Variants in DYRK1A observed in about 807,000 individuals in gnomAD.
DYRK1A encodes dual specificity tyrosine-phosphorylation-regulated kinase 1A.
Under a neutral mutation model 79.7 loss-of-function variants are expected in DYRK1A, and 9 were observed. The ratio of observed to expected loss-of-function variants is 0.11; its 90% CI spans 0.07 to 0.20. DYRK1A has a LOEUF of 0.20. Among genes scored for constraint, DYRK1A ranks in the 10% least tolerant of loss-of-function variants. The pLI, the probability that DYRK1A is intolerant of heterozygous loss-of-function variation, is 1.00. For synonymous variants in DYRK1A, 349 were observed against 329.7 expected (o/e 1.06, Z -0.63); for missense variants, 622 against 956.0 (o/e 0.65, Z 4.61).
intron 1 of DYRK1A, among the ~76,000 whole-genome samples, chr21:37,391,367 G>A (rs1162903855): frequency 6.6e-6 from 1 of 152,176 alleles, no homozygotes; most frequent in African/African-American, 2.4e-5. Flanking sequence ...TCCTAAGCCT[G>A]CCACTACTGT....
chr21:37,438,347 A>G (rs1400167498), intron 2 of DYRK1A, among the ~76,000 whole-genome samples: 1 of 151,980 alleles, frequency 6.6e-6, no homozygotes, highest in Non-Finnish European at 1.5e-5. Flanking sequence ...TTGTTCTTTT[A>G]TGAAAGCTGC....
chr21:37,497,142 G>T (rs1304502306), intron 9 of DYRK1A, among the ~76,000 whole-genome samples: 1 of 188 alleles, frequency 5.3e-3, no homozygotes, highest in Non-Finnish European at 0.011. Context: ...ATTTTGCCTT[G>T]TATTTTAGCG....
At chr21:37,500,925 A>AT (rs1334933518) in intron 9 of DYRK1A, among the ~76,000 whole-genome samples, 2 of 145,378 alleles carry the variant, frequency 1.4e-5, no homozygotes, top group African/African-American at 5.1e-5. Flanking sequence ...GACTTTGTTG[A>AT]TTTCTTTTTT....
rs1005469113 is a variant in DYRK1A, at chr21:37,515,340, A to T, written c.*2809A>T. 2.6e-5 allele frequency: 4 copies of T among 152,696 alleles called. No individual in the cohort carries two copies. The highest frequency in any genetic ancestry group is 9.6e-5 in the African/African-American group (4 of 41,478). The allele number at this position is 152,696 out of a possible 1,614,324, so 9.5% of individuals were successfully genotyped here. Reference sequence around the variant, plus strand: ...TTTGAGATACATTGACATAGGCATCAGCAATCTCTGAAAGTAAAAATTGGA... The same window carrying T: ...TTTGAGATACATTGACATAGGCATCTGCAATCTCTGAAAGTAAAAATTGGA... On this transcript the variant is annotated 3_prime_UTR_variant, in exon 12 of 12. Transcript: ENST00000647188.
chr21:37,392,940 G>A (rs887170428), intron 1 of DYRK1A, among the ~76,000 whole-genome samples: 3 of 152,232 alleles, frequency 2.0e-5, no homozygotes, highest in Non-Finnish European at 2.9e-5. Context: ...AAGGCAGAAC[G>A]TGAAAGAGCA....
In DYRK1A at chr21:37,473,657, T is replaced by A. The variant is rs576167194; in HGVS notation, c.207+777T>A. Among the ~76,000 whole-genome samples the A allele has an allele frequency of 5.9e-5, 9 of 152,308 alleles. No homozygotes were observed. In the South Asian group the frequency reaches 1.9e-3, roughly 32 times the overall value. On this transcript the variant is annotated intron_variant, in intron 3 of 11. Coordinates refer to ENST00000647188, the MANE Select transcript of DYRK1A (RefSeq NM_001347721.2). The stretch of plus-strand genomic sequence containing the variant: ...CTTTTGTTTAGGTCTTTTAATATAT[T>A]GTGTGAGGATAAAAGAGTTGGGAGA...
intron 2 of DYRK1A, among the ~76,000 whole-genome samples, chr21:37,453,739 G>C (rs990835103): frequency 6.6e-6 from 1 of 152,148 alleles, no homozygotes; most frequent in African/African-American, 2.4e-5. Context: ...TTTAGGTGCT[G>C]GTTAGTTGAG....
intron 6 of DYRK1A, chr21:37,487,426 A>G (rs1486995198): frequency 6.6e-6 from 1 of 152,192 alleles, no homozygotes; most frequent in East Asian, 1.9e-4. Flanking sequence ...CTTCTTTCGC[A>G]GTATTTTTTA....
chr21:37,417,137 T>A (rs1180591390), intron 1 of DYRK1A, among the ~76,000 whole-genome samples: 1 of 152,198 alleles, frequency 6.6e-6, no homozygotes, highest in Non-Finnish European at 1.5e-5. Context: ...CCTGTCATGC[T>A]GATGCATTCA....
intron 7 of DYRK1A, among the ~76,000 whole-genome samples, chr21:37,491,517 A>G (rs1030954908): frequency 6.6e-5 from 10 of 152,212 alleles, no homozygotes; most frequent in Non-Finnish European, 1.0e-4. Flanking sequence ...GGTTTTAACT[A>G]TAACAGATTA....
At chr21:37,387,535 C>A (rs1212866660) in intron 1 of DYRK1A, among the ~76,000 whole-genome samples, 2 of 152,050 alleles carry the variant, frequency 1.3e-5, no homozygotes. Context: ...GTTTTTGTTC[C>A]CTCTTAAGAA....
intron 1 of DYRK1A, among the ~76,000 whole-genome samples, chr21:37,378,628 A>G (rs2049595947): frequency 6.6e-6 from 1 of 152,244 alleles, no homozygotes; most frequent in African/African-American, 2.4e-5. Context: ...ATGCCTACAG[A>G]AAAGGGGGCT....
At chr21:37,479,082 A>G (rs2052505090) in intron 4 of DYRK1A, among the ~76,000 whole-genome samples, 1 of 152,192 alleles carries the variant, frequency 6.6e-6, no homozygotes, top group African/African-American at 2.4e-5. Context: ...TTTCATGTTG[A>G]AGGCTTGTCC....
chr21:37,498,408 T>C (rs769097857), intron 9 of DYRK1A, among the ~76,000 whole-genome samples: 1 of 152,238 alleles, frequency 6.6e-6, no homozygotes, highest in Non-Finnish European at 1.5e-5. Flanking sequence ...CTAGCTTTGC[T>C]TTTTCATTGG....
intron 9 of DYRK1A, among the ~76,000 whole-genome samples, chr21:37,500,929 CT>C (rs898795722): frequency 1.7e-3 from 243 of 144,120 alleles, no homozygotes; most frequent in African/African-American, 3.0e-3. Context: ...TTGTTGATTT[CT>C]TTTTTTTTTC....
intron 1 of DYRK1A, among the ~76,000 whole-genome samples, chr21:37,369,222 A>G (rs1323710372): frequency 6.6e-6 from 1 of 152,150 alleles, no homozygotes; most frequent in African/African-American, 2.4e-5. Flanking sequence ...TGTTTTAATA[A>G]CTCAGGGGAA....
intron 2 of DYRK1A, among the ~76,000 whole-genome samples, chr21:37,465,528 G>A (rs2051996394): frequency 1.3e-5 from 2 of 152,126 alleles, no homozygotes; most frequent in African/African-American, 4.8e-5. Context: ...GGCATCATCT[G>A]ATGACTTGTT....
chr21:37,483,355 A>G (rs1343901526), intron 5 of DYRK1A, among the ~76,000 whole-genome samples: 1 of 152,218 alleles, frequency 6.6e-6, no homozygotes, highest in African/African-American at 2.4e-5. Flanking sequence ...ACAGGTCTAA[A>G]TCCAGAAAAA....
Position 37,492,806 on chromosome 21 carries a change from C to T in DYRK1A, c.925-211C>T, listed in dbSNP as rs137888396. ...CTAAATGAAAGGGCTTGAATCTTTA[C>T]GTATTATGCATTTCACAGTCAGATT... On this transcript the variant is annotated intron_variant, in intron 7 of 11. Transcript: ENST00000647188. Among the ~76,000 whole-genome samples the T allele has an allele frequency of 2.2e-4, 33 of 151,924 alleles. No homozygotes were observed. In the East Asian group the frequency reaches 6.2e-3, roughly 29 times the overall value.
Sources: allele counts gnomAD v4.1 joint callset (sites outside exome capture counted in the v4.1 genomes callset), GRCh38; gene constraint gnomAD v4.1.1; transcripts MANE v1.5; gene names NCBI Gene and HGNC (gene_info 2026-07-23, HGNC 2026-07-21).